Variants in EYS observed in about 807,000 individuals in gnomAD.
EYS encodes protein eyes shut homolog.
EYS carries 250 observed loss-of-function variants against 282.1 expected under a neutral mutation model. The observed-to-expected ratio is 0.89, with a 90% CI of 0.80 to 0.98. The LOEUF (loss-of-function observed/expected upper bound fraction) is 0.98, where lower values mean the gene tolerates loss of function less well. Among genes scored for constraint, EYS ranks in the 50% least tolerant of loss-of-function variants. The pLI, the probability that EYS is intolerant of heterozygous loss-of-function variation, is 0.00. For missense variants in EYS, 4,016 were observed against 3,709.0 expected (o/e 1.08, Z -2.15); for synonymous variants, 1,355 against 1,282.9 (o/e 1.06, Z -1.20).
chr6:64,493,851 A>G (rs1047578778), intron 26 of EYS, among the ~76,000 whole-genome samples: 1 of 151,440 alleles, frequency 6.6e-6, no homozygotes, highest in African/African-American at 2.4e-5. Context: ...AGAACTGCCA[A>G]GAGGTACTGG....
chr6:64,839,244 T>C (rs1765487566), intron 19 of EYS, among the ~76,000 whole-genome samples: 1 of 152,044 alleles, frequency 6.6e-6, no homozygotes, highest in Non-Finnish European at 1.5e-5. Flanking sequence ...AAAGCTAGAT[T>C]GGATACATAA....
chr6:64,072,847 T>C (rs1771640462), intron 32 of EYS, among the ~76,000 whole-genome samples: 1 of 151,934 alleles, frequency 6.6e-6, no homozygotes, highest in Admixed American at 6.6e-5. Context: ...GGATATATAG[T>C]GTAGGGTAGA....
chr6:64,466,778 G>C (rs1294410479), intron 26 of EYS, among the ~76,000 whole-genome samples: 1 of 151,994 alleles, frequency 6.6e-6, no homozygotes, highest in Non-Finnish European at 1.5e-5. Flanking sequence ...TGTATTGTGA[G>C]ATGATGTATA....
chr6:64,297,270 C>A (rs1769066719), intron 30 of EYS, among the ~76,000 whole-genome samples: 4 of 152,152 alleles, frequency 2.6e-5, no homozygotes. Flanking sequence ...CCACCTTGAA[C>A]TATTTTTCTC....
intron 35 of EYS, among the ~76,000 whole-genome samples, chr6:63,972,496 C>T (rs1176338363): frequency 1.3e-5 from 2 of 152,108 alleles, no homozygotes; most frequent in Admixed American, 6.6e-5. Context: ...GTGTAAGTCC[C>T]ACTGCTAAAA....
At chr6:64,365,450 G>T (rs1468042566) in intron 29 of EYS, among the ~76,000 whole-genome samples, 2 of 151,914 alleles carry the variant, frequency 1.3e-5, no homozygotes, top group African/African-American at 4.8e-5. Context: ...TCTTAGGTGT[G>T]CCTCTGAAGC....
At chr6:65,139,584 A>G (rs1198959916) in intron 12 of EYS, among the ~76,000 whole-genome samples, 6 of 152,052 alleles carry the variant, frequency 3.9e-5, no homozygotes, top group Non-Finnish European at 8.8e-5. Context: ...CTGAACCTAA[A>G]ATAAACATTT....
intron 31 of EYS, among the ~76,000 whole-genome samples, chr6:64,207,086 G>C (rs963722746): frequency 6.6e-6 from 1 of 152,026 alleles, no homozygotes; most frequent in Non-Finnish European, 1.5e-5. Flanking sequence ...TTGATTTTCT[G>C]TGTGTGTGTT....
chr6:64,691,827 G>A (rs1281477487), intron 22 of EYS, among the ~76,000 whole-genome samples: 1 of 152,166 alleles, frequency 6.6e-6, no homozygotes, highest in African/African-American at 2.4e-5. Context: ...CAAAGGACAT[G>A]ATTTCATTCT....
chr6:65,110,044 G>C (rs1368843321), intron 12 of EYS, among the ~76,000 whole-genome samples: 1 of 152,082 alleles, frequency 6.6e-6, no homozygotes, highest in Non-Finnish European at 1.5e-5. Context: ...CTCAAACTAT[G>C]TTCTTGGCAT....
intron 23 of EYS, among the ~76,000 whole-genome samples, chr6:64,619,670 C>CTGTTTTGTTT (rs374630369): frequency 6.6e-6 from 1 of 151,818 alleles, no homozygotes; most frequent in Non-Finnish European, 1.5e-5. Flanking sequence ...GTTGTTTTTG[C>CTGTTTTGTTT]TGTTTTGTTT....
chr6:64,815,628 C>T (rs1223760550), intron 21 of EYS, among the ~76,000 whole-genome samples: 3 of 151,906 alleles, frequency 2.0e-5, no homozygotes, highest in Non-Finnish European at 4.4e-5. Flanking sequence ...ATTTATATTG[C>T]TTTGCTATAT....
intron 28 of EYS, among the ~76,000 whole-genome samples, chr6:64,413,322 T>C (rs115849555): frequency 0.036 from 5,459 of 152,168 alleles, 231 homozygotes; most frequent in African/African-American, 0.1. Context: ...TTCTCAGCCA[T>C]CATTAGTCTC....
intron 31 of EYS, among the ~76,000 whole-genome samples, chr6:64,160,327 C>T (rs1422879422): frequency 2.0e-5 from 3 of 152,112 alleles, no homozygotes; most frequent in Non-Finnish European, 2.9e-5. Context: ...TTGAATTGCA[C>T]GAAATGTCCA....
chr6:65,504,738 T>C (rs1034069466), intron 2 of EYS, among the ~76,000 whole-genome samples: 6 of 151,602 alleles, frequency 4.0e-5, no homozygotes, highest in African/African-American at 7.2e-5. Flanking sequence ...CACTGTGGAA[T>C]AAATTACTGT....
intron 31 of EYS, among the ~76,000 whole-genome samples, chr6:64,193,652 A>C (rs1765186446): frequency 6.7e-6 from 1 of 150,126 alleles, no homozygotes. Context: ...CCTCCTCCCT[A>C]CCCCCACCCA....
chr6:64,854,314 G>A lies in EYS; in HGVS notation c.2993-31492C>T, dbSNP rs554195227. Among the ~76,000 whole-genome samples, 21 of 151,846 alleles carry A rather than the reference G, an allele frequency of 1.4e-4. No individual in the cohort carries two copies. The East Asian group carries it at 1.9e-3, about 14-fold the overall frequency. On this transcript the variant is annotated intron_variant, in intron 19 of 42. Transcript: ENST00000503581. The stretch of plus-strand genomic sequence containing the variant: ...ACACATGCACATGTATGTTTATTGC[G>A]GCACTATTCACAATAGAAAAGACTT...
intron 12 of EYS, among the ~76,000 whole-genome samples, chr6:65,256,253 G>C (rs1230448709): frequency 1.3e-5 from 2 of 149,254 alleles, no homozygotes; most frequent in African/African-American, 5.0e-5. Flanking sequence ...GGAACAGAAA[G>C]ACAAACTTCT....
chr6:64,839,207 C>A (rs1342284161), intron 19 of EYS, among the ~76,000 whole-genome samples: 1 of 151,962 alleles, frequency 6.6e-6, no homozygotes, highest in African/African-American at 2.4e-5. Context: ...ACTATAAATA[C>A]AATGAAAATC....
Sources: gnomAD v4.1 joint callset for allele counts (sites outside exome capture counted in the v4.1 genomes callset) on GRCh38, gnomAD v4.1.1 for gene constraint, MANE v1.5 for transcripts, NCBI Gene and HGNC (gene_info 2026-07-23, HGNC 2026-07-21) for gene names.